The following SH3GL3 variants were observed in gnomAD, a reference collection of about 807,000 sequenced individuals.
SH3GL3 encodes the protein endophilin-A3.
In SH3GL3, 33 loss-of-function variants were observed where a neutral mutation model predicts 47.7. The observed-to-expected ratio is 0.69, with a 90% CI of 0.52 to 0.92. The LOEUF is 0.92. SH3GL3 is among the 40% of genes least tolerant of loss of function. The probability of loss-of-function intolerance (pLI) is 0.00; values close to 1 mark genes in which losing one functional copy is unlikely to be tolerated. For missense variants in SH3GL3, 363 were observed against 417.8 expected, an observed-to-expected ratio of 0.87 and a Z score of 1.14; for synonymous variants, 155 against 148.8, an observed-to-expected ratio of 1.04 and a Z score of -0.30.
At chr15:83,505,241 G>A (rs1192290750) in intron 1 of SH3GL3, among the ~76,000 whole-genome samples, 3 of 152,096 alleles carry the variant, frequency 2.0e-5, no homozygotes, top group African/African-American at 7.2e-5. Flanking sequence ...TGACCTTGTA[G>A]TGCACTCGCT....
At chr15:83,562,301 A>C (rs1198744203) in intron 2 of SH3GL3, among the ~76,000 whole-genome samples, 2 of 152,240 alleles carry the variant, frequency 1.3e-5, no homozygotes, top group Admixed American at 6.5e-5. Context: ...GGTACCTGCA[A>C]GTTTTTGGTC....
At chr15:83,609,553 C>T in intron 8 of SH3GL3, 1 of 293,892 alleles carries the variant, frequency 3.4e-6, no homozygotes, top group Non-Finnish European at 6.9e-6. Flanking sequence ...TCTCTCCATC[C>T]CCTTTGCCCC....
At chr15:83,596,781 T>C (rs1352451983) in intron 8 of SH3GL3, among the ~76,000 whole-genome samples, 1 of 152,130 alleles carries the variant, frequency 6.6e-6, no homozygotes, top group Non-Finnish European at 1.5e-5. Flanking sequence ...TTTATTTATT[T>C]ATTTTTTTTA....
At chr15:83,568,843 GCTAACATCA>G (rs976719572) in intron 4 of SH3GL3, among the ~76,000 whole-genome samples, 171 bp downstream of exon 4, 68 of 151,362 alleles carry the variant, frequency 4.5e-4, no homozygotes, top group African/African-American at 1.6e-3. Flanking sequence ...AAAGAAAAAT[GCTAACATCA>G]CCCATAATCC....
chr15:83,489,943 T>C (rs1477015206), intron 1 of SH3GL3, among the ~76,000 whole-genome samples: 3 of 152,114 alleles, frequency 2.0e-5, no homozygotes, highest in African/African-American at 7.2e-5. Context: ...AGATGACAGA[T>C]AGATGATAGA....
At chr15:83,536,767 T>C (rs2043930129) in intron 1 of SH3GL3, among the ~76,000 whole-genome samples, 1 of 152,176 alleles carries the variant, frequency 6.6e-6, no homozygotes, top group South Asian at 2.1e-4. Context: ...GTTTTCCTCC[T>C]TTCATTTTTC....
chr15:83,460,106 C>T (rs1461180917), intron 1 of SH3GL3, among the ~76,000 whole-genome samples: 2 of 139,190 alleles, frequency 1.4e-5, no homozygotes, highest in African/African-American at 2.6e-5. Flanking sequence ...TGCTTCCTTC[C>T]TTCCTTCCTT....
rs573152751 is a variant in SH3GL3, at chr15:83,561,402, G to T, written c.114+2081G>T. 2.0e-5 allele frequency among the ~76,000 whole-genome samples: 3 copies of T among 152,256 alleles called. No homozygotes were observed. The South Asian group carries it at 6.2e-4, about 32-fold the overall frequency. On this transcript the variant is annotated intron_variant, in intron 2 of 8. Transcript: ENST00000427482. ...GTAAAATGACATTATTTAGGCATGAGTGACAATTCTGTATGTCAAAACCTG... is the reference window on the plus strand; with the variant it reads ...GTAAAATGACATTATTTAGGCATGATTGACAATTCTGTATGTCAAAACCTG...
chr15:83,447,393 T>C lies in SH3GL3; in HGVS notation c.-141T>C, dbSNP rs1595985293. 4.1e-6 allele frequency: 2 copies of C among 485,382 alleles called. No individual in the cohort carries two copies. The highest frequency in any genetic ancestry group is 6.6e-6 in the Non-Finnish European group (2 of 302,132). The allele number at this position is 485,382 out of a possible 1,614,324, so 30.1% of individuals were successfully genotyped here. On this transcript the variant is annotated 5_prime_UTR_variant, in exon 1 of 9. Coordinates refer to ENST00000427482, the MANE Select transcript of SH3GL3 (RefSeq NM_003027.5). This position sits in a 1 kb window ranked among gnomAD's most constrained non-coding sequence, Gnocchi z 5.1. ...GTGCGAGTGTGACAGCGGCTGTGGCTGTGGCCGTGGCCGTGGGAGGCGGGC... is the reference window on the plus strand; with the variant it reads ...GTGCGAGTGTGACAGCGGCTGTGGCCGTGGCCGTGGCCGTGGGAGGCGGGC...
At chr15:83,540,548 G>A (rs146743580) in intron 1 of SH3GL3, among the ~76,000 whole-genome samples, 1 of 152,098 alleles carries the variant, frequency 6.6e-6, no homozygotes, top group Non-Finnish European at 1.5e-5. Flanking sequence ...AATGTTTTCT[G>A]TATAAAAGTC....
chr15:83,509,263 C>T (rs567520296), intron 1 of SH3GL3, among the ~76,000 whole-genome samples: 44 of 152,234 alleles, frequency 2.9e-4, no homozygotes, highest in Non-Finnish European at 5.7e-4. Flanking sequence ...CCTGCCTCAT[C>T]TCACGGAGTG....
rs1380593433 is a variant in SH3GL3 at position 83,453,448 on chromosome 15, T to G, written c.45+5870T>G. 2.5e-5 allele frequency among the ~76,000 whole-genome samples: 3 copies of G among 122,312 alleles called. No homozygotes were observed. The East Asian group carries it at 7.6e-4, about 31-fold the overall frequency. 80.2% of individuals were successfully genotyped at this position (122,312 alleles called of 152,430 possible). A position where few individuals can be genotyped will look rare whatever the true frequency, so the allele number is the denominator to read the frequency against. ...AATCCATCTGGTCCTGGACTCTTTT[T>G]GGTTGGTAAACTACTGATTATTGCC... On this transcript the variant is annotated intron_variant, in intron 1 of 8. Transcript: ENST00000427482.
In SH3GL3 at chr15:83,448,442, ATGTGTGTGTGTGTGTGTG is replaced by A. The variant is rs71156081; in HGVS notation, c.45+886_45+903del. Among the ~76,000 whole-genome samples the A allele has an allele frequency of 7.1e-6, 1 of 140,642 alleles. No homozygotes were observed. The highest frequency in any genetic ancestry group is 1.5e-5 in the Non-Finnish European group (1 of 65,554). 92.3% of individuals were successfully genotyped at this position (140,642 alleles called of 152,430 possible). On this transcript the variant is annotated intron_variant, in intron 1 of 8. Coordinates refer to ENST00000427482, the MANE Select transcript of SH3GL3 (RefSeq NM_003027.5). The surrounding 1 kb of genome is among the most constrained non-coding windows in gnomAD (Gnocchi z 4.2). ...AAACAGGAGGGGAGACATGAAATTG[ATGTGTGTGTGTGTGTGTG>A]TGTGTGTGTGTGTGTGTGTGTTGAT... is the stretch of plus-strand genomic sequence containing the variant.
intron 1 of SH3GL3, among the ~76,000 whole-genome samples, chr15:83,505,523 CTTTT>C (rs35112953): frequency 3.3e-5 from 3 of 92,026 alleles, no homozygotes; most frequent in Non-Finnish European, 4.1e-5. Flanking sequence ...CTTGAATTTC[CTTTT>C]TTTTTTTTTT....
At chr15:83,591,951 C>T (rs2730095) in intron 8 of SH3GL3, among the ~76,000 whole-genome samples, 1 of 152,010 alleles carries the variant, frequency 6.6e-6, no homozygotes. Flanking sequence ...GGGATTACAG[C>T]TGTGAGCCAC....
At chr15:83,611,781 G>GGA (rs904216330) in intron 8 of SH3GL3, among the ~76,000 whole-genome samples, 1 of 152,142 alleles carries the variant, frequency 6.6e-6, no homozygotes, top group African/African-American at 2.4e-5. Flanking sequence ...CAGGTCCCTT[G>GGA]GAGAGGCTTA....
chr15:83,628,048 A>T, the SH3GL3 span, among the ~76,000 whole-genome samples: 2 of 152,210 alleles, frequency 1.3e-5, no homozygotes, highest in African/African-American at 4.8e-5. Context: ...GACAGAGCCT[A>T]TAACATTGAG....
intron 8 of SH3GL3, among the ~76,000 whole-genome samples, chr15:83,596,816 A>G (rs2060247972): frequency 3.3e-5 from 5 of 151,760 alleles, no homozygotes; most frequent in Admixed American, 3.3e-4. Flanking sequence ...CTTCTCCTCT[A>G]TTCCCTTTCT....
chr15:83,492,784 A>G (rs1442144854), intron 1 of SH3GL3, among the ~76,000 whole-genome samples: 1 of 152,224 alleles, frequency 6.6e-6, no homozygotes, highest in Non-Finnish European at 1.5e-5. Context: ...AGTTGTCCAG[A>G]GAGACTGAGC....
Sources: allele counts gnomAD v4.1 joint callset (sites outside exome capture counted in the v4.1 genomes callset), GRCh38; gene constraint gnomAD v4.1.1; non-coding constraint Gnocchi (gnomAD v3.1); transcripts MANE v1.5; gene names NCBI Gene and HGNC (gene_info 2026-07-23, HGNC 2026-07-21).